LRRC7: variants seen among roughly 807,000 people sequenced by gnomAD.
LRRC7 encodes leucine-rich repeat-containing protein 7.
In LRRC7, 23 loss-of-function variants were observed where a neutral mutation model predicts 175.7. The ratio of observed to expected loss-of-function variants is 0.13; its 90% CI spans 0.09 to 0.19. LRRC7 has a LOEUF of 0.19. LRRC7 is among the 10% of genes least tolerant of loss of function. The pLI is 1.00. For synonymous variants in LRRC7, 685 were observed against 680.9 expected, an observed-to-expected ratio of 1.01 and a Z score of -0.09; for missense variants, 1,354 against 1,904.7, an observed-to-expected ratio of 0.71 and a Z score of 5.38.
At chr1:69,923,533 C>T (rs527601506) in intron 7 of LRRC7, among the ~76,000 whole-genome samples, 55 of 152,280 alleles carry the variant, frequency 3.6e-4, no homozygotes, top group African/African-American at 1.3e-3. Flanking sequence ...GATGGTATCT[C>T]ATTGTGGTTT....
intron 7 of LRRC7, among the ~76,000 whole-genome samples, chr1:69,906,109 GT>G (rs1216757974): frequency 6.6e-6 from 1 of 152,056 alleles, no homozygotes; most frequent in African/African-American, 2.4e-5. Context: ...GGGGTTGTTT[GT>G]TTTTTTCTTG....
chr1:69,624,195 T>C (rs1651116617), intron 1 of LRRC7, among the ~76,000 whole-genome samples: 1 of 152,182 alleles, frequency 6.6e-6, no homozygotes, highest in African/African-American at 2.4e-5. Flanking sequence ...ATAGTACTAT[T>C]AGTAATTTTT....
At chr1:69,884,152 A>G (rs186223394) in intron 7 of LRRC7, among the ~76,000 whole-genome samples, 10,421 of 72,420 alleles carry the variant, frequency 0.14, 2,620 homozygotes, top group South Asian at 0.22. Flanking sequence ...TTCTGTGAAG[A>G]AAGTCATTGG....
At chr1:69,583,012 A>G (rs1336407134) in intron 1 of LRRC7, among the ~76,000 whole-genome samples, 1 of 152,112 alleles carries the variant, frequency 6.6e-6, no homozygotes, top group East Asian at 1.9e-4. Flanking sequence ...AATATCTAAT[A>G]TCTAAACAAA....
At position 69,714,653 on chromosome 1, in the gene LRRC7, G is replaced by A. The variant is rs113828002; in HGVS notation, c.100+36175G>A. Among the ~76,000 whole-genome samples the A allele has an allele frequency of 2.0e-5, 3 of 152,270 alleles. 1 individual carries two copies. The highest frequency in any genetic ancestry group is 7.2e-5 in the African/African-American group (3 of 41,548). On this transcript the variant is annotated intron_variant, in intron 2 of 26. Coordinates refer to ENST00000651989, the MANE Select transcript of LRRC7 (RefSeq NM_001370785.2). ...TGAACAAAGATGTAGTGGGGGCCAG[G>A]ATGGGGAAGATTCCACCAGGTGTTT... is the stretch of plus-strand genomic sequence containing the variant.
At chr1:70,100,098 G>T (rs977190437) in intron 25 of LRRC7, among the ~76,000 whole-genome samples, 1 of 152,034 alleles carries the variant, frequency 6.6e-6, no homozygotes, top group Non-Finnish European at 1.5e-5. Flanking sequence ...TCCCAGACAT[G>T]TTTAATTGTT....
intron 25 of LRRC7, among the ~76,000 whole-genome samples, chr1:70,103,753 C>T (rs1664958894): frequency 6.6e-6 from 1 of 152,074 alleles, no homozygotes; most frequent in African/African-American, 2.4e-5. Context: ...TGATTCCCTT[C>T]CTATGGGACT....
chr1:69,576,983 C>A (rs182897915), intron 1 of LRRC7, among the ~76,000 whole-genome samples: 1 of 152,126 alleles, frequency 6.6e-6, no homozygotes, highest in Non-Finnish European at 1.5e-5. Context: ...TATTTACACA[C>A]GTAATATAAG....
At chr1:69,998,461 C>A (rs115601540) in intron 11 of LRRC7, among the ~76,000 whole-genome samples, 1 of 152,102 alleles carries the variant, frequency 6.6e-6, no homozygotes, top group Admixed American at 6.6e-5. Context: ...GTGTGTTTCT[C>A]TGTACAGTTA....
intron 7 of LRRC7, among the ~76,000 whole-genome samples, chr1:69,838,758 T>G (rs1489543351): frequency 1.3e-5 from 2 of 151,962 alleles, no homozygotes; most frequent in African/African-American, 4.8e-5. Context: ...AGTTATATAT[T>G]CTTGCAAATT....
chr1:69,782,821 C>T (rs1478369333), intron 3 of LRRC7, among the ~76,000 whole-genome samples: 3 of 152,114 alleles, frequency 2.0e-5, no homozygotes, highest in African/African-American at 7.2e-5. Context: ...CAGATCCATG[C>T]CTGGGCTTCA....
chr1:69,649,892 G>T (rs1208814050), intron 1 of LRRC7, among the ~76,000 whole-genome samples: 1 of 151,628 alleles, frequency 6.6e-6, no homozygotes, highest in East Asian at 1.9e-4. Flanking sequence ...GATAATTCTT[G>T]GCCTTCAATG....
chr1:70,096,197 G>A (rs899382363), intron 25 of LRRC7, among the ~76,000 whole-genome samples: 5 of 152,154 alleles, frequency 3.3e-5, no homozygotes, highest in Non-Finnish European at 5.9e-5. Flanking sequence ...GGCTGGTCTC[G>A]AACTCCTGAC....
chr1:69,712,272 G>T (rs914422023), intron 2 of LRRC7, among the ~76,000 whole-genome samples: 1 of 151,276 alleles, frequency 6.6e-6, no homozygotes, highest in Non-Finnish European at 1.5e-5. Flanking sequence ...GTGCACACGC[G>T]CAAGTGCTTT....
At position 69,923,373 on chromosome 1, in the gene LRRC7, G is replaced by C. The variant is rs573624352; in HGVS notation, c.648-8134G>C. On this transcript the variant is annotated intron_variant, in intron 7 of 26. Coordinates refer to ENST00000651989, the MANE Select transcript of LRRC7 (RefSeq NM_001370785.2). The stretch of plus-strand genomic sequence containing the variant: ...GGGTCAAATGGTATTACTAGTTCTA[G>C]ATCCCTGAGGAATCGCCACACTGAC... Among the ~76,000 whole-genome samples, 496 of 152,218 alleles carry C rather than the reference G, an allele frequency of 3.3e-3. 1 individual carries two copies. The highest frequency in any genetic ancestry group is 0.011 in the African/African-American group (448 of 41,520).
At chr1:69,605,148 G>A (rs1281642637) in intron 1 of LRRC7, among the ~76,000 whole-genome samples, 1 of 152,138 alleles carries the variant, frequency 6.6e-6, no homozygotes, top group East Asian at 1.9e-4. Flanking sequence ...GAATCATGGG[G>A]GCGGGTCTTT....
chr1:69,932,272 A>G (rs1165352575), intron 8 of LRRC7, among the ~76,000 whole-genome samples: 3 of 152,220 alleles, frequency 2.0e-5, no homozygotes, highest in Non-Finnish European at 4.4e-5. Flanking sequence ...GTGTATTTTA[A>G]TTATTTTAAA....
intron 8 of LRRC7, among the ~76,000 whole-genome samples, chr1:69,954,209 T>A (rs1327360898): frequency 2.6e-5 from 4 of 151,864 alleles, no homozygotes; most frequent in Non-Finnish European, 5.9e-5. Flanking sequence ...AGCATCCTGG[T>A]CAGGAGATTG....
At chr1:69,621,382 C>T (rs1178033683) in intron 1 of LRRC7, among the ~76,000 whole-genome samples, 5 of 152,090 alleles carry the variant, frequency 3.3e-5, no homozygotes, top group African/African-American at 1.2e-4. Context: ...GACTGTTCCA[C>T]ATCAGAGTCT....
Sources: allele counts gnomAD v4.1 joint callset (sites outside exome capture counted in the v4.1 genomes callset), GRCh38; gene constraint gnomAD v4.1.1; transcripts MANE v1.5; gene names NCBI Gene and HGNC (gene_info 2026-07-23, HGNC 2026-07-21).